The following FUBP3 variants were observed in gnomAD, a reference collection of about 807,000 sequenced individuals.
FUBP3 encodes the protein far upstream element binding protein 3.
FUBP3 carries 28 observed loss-of-function variants against 85.6 expected under a neutral mutation model. The ratio of observed to expected loss-of-function variants is 0.33; its 90% CI spans 0.24 to 0.45. FUBP3 has a LOEUF of 0.45. Among genes scored for constraint, FUBP3 ranks in the 20% least tolerant of loss-of-function variants. The pLI, the probability that FUBP3 is intolerant of heterozygous loss-of-function variation, is 1.00. For synonymous variants in FUBP3, 271 were observed against 271.4 expected (o/e 1.00, Z 0.01); for missense variants, 583 against 755.1 (o/e 0.77, Z 2.67).
intron 2 of FUBP3, among the ~76,000 whole-genome samples, chr9:130,600,479 A>G (rs148153629): frequency 2.6e-5 from 4 of 152,284 alleles, no homozygotes; most frequent in African/African-American, 9.6e-5. Context: ...AATGTAATCT[A>G]AATTAGAGGT....
chr9:130,587,430 A>G lies in FUBP3; in HGVS notation c.84+7666A>G, dbSNP rs1366165395. ...TCGATGGAATGGAAGGGGAAAGCCA[A>G]TGGGAGTGTCACATTTAGGGCCTTT... On this transcript the variant is annotated intron_variant, in intron 1 of 18. Coordinates refer to ENST00000319725, the MANE Select transcript of FUBP3 (RefSeq NM_003934.2). Among the ~76,000 whole-genome samples the G allele has an allele frequency of 2.0e-5, 3 of 152,140 alleles. No homozygotes were observed. In the East Asian group the frequency reaches 5.8e-4, roughly 29 times the overall value.
Position 130,631,493 on chromosome 9 carries a change from G to A in FUBP3, c.1279-64G>A, listed in dbSNP as rs564438603. ...AAAGCTGGGCTTTGCCTCGGGGTGGGCCTGGGCAGAGGAAAGAGGTGTGCA... is the reference window on the plus strand; with the variant it reads ...AAAGCTGGGCTTTGCCTCGGGGTGGACCTGGGCAGAGGAAAGAGGTGTGCA... On this transcript the variant is annotated intron_variant, in intron 13 of 18. Coordinates refer to ENST00000319725, the MANE Select transcript of FUBP3 (RefSeq NM_003934.2). The A allele has an allele frequency of 1.5e-5, 22 of 1,485,580 alleles. No homozygotes were observed. The East Asian group carries it at 3.9e-4, about 26-fold the overall frequency. The allele number at this position is 1,485,580 out of a possible 1,614,324, so 92.0% of individuals were successfully genotyped here.
At position 130,622,670 on chromosome 9, in the gene FUBP3, T is replaced by G. The variant is rs144343593; in HGVS notation, c.772-38T>G. On this transcript the variant is annotated intron_variant, in intron 9 of 18. Coordinates refer to ENST00000319725, the MANE Select transcript of FUBP3 (RefSeq NM_003934.2). The stretch of plus-strand genomic sequence containing the variant: ...AGTGCCCTTTAAAAAGACAGGTTTG[T>G]GAAAAGTTCTGATGTGGTTTGGTTT... The G allele has an allele frequency of 3.8e-5, 39 of 1,025,044 alleles. No homozygotes were observed. The African/African-American group carries it at 5.3e-4, about 14-fold the overall frequency. The allele number at this position is 1,025,044 out of a possible 1,614,324, so 63.5% of individuals were successfully genotyped here.
At position 130,587,072 on chromosome 9, in the gene FUBP3, G is replaced by GTT. The variant is rs1195258190; in HGVS notation, c.84+7310_84+7311dup. 1.5e-3 allele frequency among the ~76,000 whole-genome samples: 148 copies of GTT among 96,356 alleles called. 1 individual carries two copies. The highest frequency in any genetic ancestry group is 6.4e-3 in the African/African-American group (140 of 21,886). The allele number at this position is 96,356 out of a possible 152,430, so 63.2% of individuals were successfully genotyped here. ...CGTTTTTTGTTTTTTTTTTTTGTTTGTTTGTTTTTTTGAGATGGAGTCTCA... is the reference window on the plus strand; with the variant it reads ...CGTTTTTTGTTTTTTTTTTTTGTTTGTTTTTGTTTTTTTGAGATGGAGTCTCA... On this transcript the variant is annotated intron_variant, in intron 1 of 18. Transcript: ENST00000319725.
chr9:130,636,073 C>T lies in FUBP3; in HGVS notation c.1657C>T (p.Gln553Ter). The change falls in exon 18 of 19, where the codon CAG becomes TAG. Residue 553 changes from glutamine (Q) to a stop codon, truncating the protein, a stop_gained. Coordinates refer to ENST00000319725, the MANE Select transcript of FUBP3 (RefSeq NM_003934.2). LOFTEE classifies it high-confidence loss of function. ...YTMAWAEYYR[Q>*]QVAFYGQTLG... Reference sequence around the variant, plus strand: ...AATGGCCTGGGCAGAATATTACAGACAGCAGGTCGCTTTCTACGGACAGAC... The same window carrying T: ...AATGGCCTGGGCAGAATATTACAGATAGCAGGTCGCTTTCTACGGACAGAC... 2.5e-6 allele frequency: 4 copies of T among 1,613,730 alleles called. No individual in the cohort carries two copies. Among genetic ancestry groups the T allele is most frequent in the Non-Finnish European group, 3.4e-6 (4 of 1,179,744 alleles).
Position 130,616,388 on chromosome 9 carries a change from C to G in FUBP3, c.438C>G (p.Asp146Glu). Residue 146 changes from aspartate to glutamate, a missense_variant, in exon 7 of 19, where the codon GAC (aspartate) becomes GAG (glutamate). Transcript: ENST00000319725. The surrounding 1 kb of genome is among the most constrained non-coding windows in gnomAD (Gnocchi z 4.7). The stretch of plus-strand genomic sequence containing the variant: ...AACGGCTCCTGGGACAGATTGTGGA[C>G]CGCTGTCGAAATGGACCTGGCTTTC... ...QAKRLLGQIV[D>E]RCRNGPGFHN... 6.2e-7 allele frequency: 1 copy of G among 1,614,158 alleles called. No individual in the cohort carries two copies. Among genetic ancestry groups the G allele is most frequent in the Non-Finnish European group, 8.5e-7 (1 of 1,180,006 alleles).
At chr9:130,585,907 T>C (rs571822247) in intron 1 of FUBP3, among the ~76,000 whole-genome samples, 2 of 152,256 alleles carry the variant, frequency 1.3e-5, no homozygotes, top group Non-Finnish European at 2.9e-5. Context: ...TCTCTCCTTT[T>C]CTGTGTAGTC....
chr9:130,616,591 C>A lies in FUBP3; in HGVS notation c.567+74C>A. ...TCAGCTTCCTGGCCCAGGAGATCTG[C>A]TTACGGCTGGCATTCCCTGGCTGGG... is the stretch of plus-strand genomic sequence containing the variant. On this transcript the variant is annotated intron_variant, in intron 7 of 18. Coordinates refer to ENST00000319725, the MANE Select transcript of FUBP3 (RefSeq NM_003934.2). This position sits in a 1 kb window ranked among gnomAD's most constrained non-coding sequence, Gnocchi z 4.7. 1 of 1,421,270 alleles carries A rather than the reference C, an allele frequency of 7.0e-7. No individual in the cohort carries two copies. The allele number at this position is 1,421,270 out of a possible 1,614,324, so 88.0% of individuals were successfully genotyped here.
chr9:130,588,188 CTT>C (rs1269840124), intron 1 of FUBP3, among the ~76,000 whole-genome samples: 1 of 152,176 alleles, frequency 6.6e-6, no homozygotes, highest in Admixed American at 6.5e-5. Flanking sequence ...AAGAGACAAA[CTT>C]GAGCTTCAGA....
At chr9:130,631,770 C>G (rs1266030129) in intron 14 of FUBP3, 140 bp downstream of exon 14, 2 of 826,128 alleles carry the variant, frequency 2.4e-6, no homozygotes, top group African/African-American at 3.4e-5. Context: ...TTTCCTCTCA[C>G]CAGCGGTCCC....
At chr9:130,600,861 A>G (rs1273177924) in intron 2 of FUBP3, among the ~76,000 whole-genome samples, 1 of 152,052 alleles carries the variant, frequency 6.6e-6, no homozygotes, top group African/African-American at 2.4e-5. Context: ...CTGCAGCCCC[A>G]GCTACTCAGG....
At position 130,637,084 on chromosome 9, in the gene FUBP3, C is replaced by A. The variant is rs973030970; in HGVS notation, c.*62C>A. ...ATTGTCAAAGAAAACCTATTTGTAACAGAGGTTTTTACATTTGCAAACCTT... is the reference window on the plus strand; with the variant it reads ...ATTGTCAAAGAAAACCTATTTGTAAAAGAGGTTTTTACATTTGCAAACCTT... On this transcript the variant is annotated 3_prime_UTR_variant, in exon 19 of 19. Transcript: ENST00000319725. 4.3e-6 allele frequency: 6 copies of A among 1,404,488 alleles called. No homozygotes were observed. Among genetic ancestry groups the A allele is most frequent in the Non-Finnish European group, 6.1e-6 (6 of 988,716 alleles). The allele number at this position is 1,404,488 out of a possible 1,614,324, so 87.0% of individuals were successfully genotyped here. A position where few individuals can be genotyped will look rare whatever the true frequency, so the allele number is the denominator to read the frequency against.
chr9:130,611,645 GC>G (rs1356301919), intron 3 of FUBP3, among the ~76,000 whole-genome samples: 1 of 147,276 alleles, frequency 6.8e-6, no homozygotes, highest in African/African-American at 2.5e-5. Context: ...AAAAATGCTT[GC>G]CTTTTTTTTT....
At chr9:130,626,534 C>T (rs774670582) in intron 12 of FUBP3, 29 bp downstream of exon 12, 3 of 1,607,304 alleles carry the variant, frequency 1.9e-6, no homozygotes. Context: ...TTCACATCCC[C>T]CCTCAGCTGT....
At chr9:130,580,394 A>G (rs1327218615) in intron 1 of FUBP3, among the ~76,000 whole-genome samples, 1 of 152,170 alleles carries the variant, frequency 6.6e-6, no homozygotes. Context: ...CATTTAATCA[A>G]AGTTAAATTA....
chr9:130,595,895 G>A (rs537849676), intron 2 of FUBP3, among the ~76,000 whole-genome samples: 7 of 152,286 alleles, frequency 4.6e-5, no homozygotes, highest in African/African-American at 7.2e-5. Flanking sequence ...TCTTCAGTGC[G>A]CATGGGAATT....
chr9:130,588,446 A>G (rs889985248), intron 1 of FUBP3, among the ~76,000 whole-genome samples: 23 of 152,158 alleles, frequency 1.5e-4, no homozygotes, highest in African/African-American at 4.8e-4. Flanking sequence ...TGCTAGTTAC[A>G]TAGGTATTTT....
chr9:130,600,361 C>T (rs886999534), intron 2 of FUBP3, among the ~76,000 whole-genome samples: 11 of 152,126 alleles, frequency 7.2e-5, no homozygotes, highest in African/African-American at 2.7e-4. Context: ...GTTTTTCATG[C>T]TCAAGTTCTC....
intron 1 of FUBP3, among the ~76,000 whole-genome samples, chr9:130,594,884 TTTTC>T (rs891341030): frequency 1.3e-5 from 2 of 151,754 alleles, no homozygotes; most frequent in African/African-American, 4.8e-5. Flanking sequence ...TTTTTTTTTT[TTTTC>T]TTCTTAAGAT....
Sources: gnomAD v4.1 joint callset for allele counts (sites outside exome capture counted in the v4.1 genomes callset) on GRCh38, gnomAD v4.1.1 for gene constraint, Gnocchi (gnomAD v3.1) non-coding constraint, MANE v1.5 for transcripts, NCBI Gene and HGNC (gene_info 2026-07-23, HGNC 2026-07-21) for gene names.